CSMD1: variants seen among roughly 807,000 people sequenced by gnomAD.
The protein encoded by CSMD1 is CUB and sushi domain-containing protein 1.
Under a neutral mutation model 417.5 loss-of-function variants are expected in CSMD1, and 213 were observed. The observed-to-expected ratio is 0.51, with a 90% CI of 0.46 to 0.57. The LOEUF (loss-of-function observed/expected upper bound fraction) is 0.57. CSMD1 is among the 20% of genes least tolerant of loss of function. The pLI is 0.00. For synonymous variants in CSMD1, 2,862 were observed against 1,736.8 expected, an observed-to-expected ratio of 1.65 and a Z score of -16.11; for missense variants, 6,923 against 4,529.7, an observed-to-expected ratio of 1.53 and a Z score of -15.17.
intron 25 of CSMD1, among the ~76,000 whole-genome samples, chr8:3,301,569 G>T (rs891742628): frequency 3.9e-5 from 6 of 152,146 alleles, no homozygotes; most frequent in Admixed American, 2.6e-4. Context: ...CTGGAGGTGA[G>T]TCAATGAGGA....
chr8:4,795,252 CTTTTTTTTTTTTTTTTTTTT>C lies in CSMD1; in HGVS notation c.86-157714_86-157695del, dbSNP rs571984359. 2.7e-3 allele frequency among the ~76,000 whole-genome samples: 127 copies of C among 46,250 alleles called. 3 individuals carry two copies. In the East Asian group the frequency reaches 0.075, roughly 27 times the overall value. 30.3% of individuals were successfully genotyped at this position (46,250 alleles called of 152,430 possible). ...ATTTCTAGGTCTGCTGGTGTCATAGCTTTTTTTTTTTTTTTTTTTTTTTTTTTTTTTTTTTTTGAGATGGA... is the reference window on the plus strand; with the variant it reads ...ATTTCTAGGTCTGCTGGTGTCATAGCTTTTTTTTTTTTTTTTTGAGATGGA... On this transcript the variant is annotated intron_variant, in intron 1 of 69. Transcript: ENST00000635120.
Position 4,078,188 on chromosome 8 carries a change from C to A in CSMD1, c.416-46089G>T, listed in dbSNP as rs145575076. Among the ~76,000 whole-genome samples the A allele has an allele frequency of 1.2e-4, 19 of 152,226 alleles. No individual in the cohort carries two copies. In the East Asian group the frequency reaches 1.9e-3, roughly 15 times the overall value. The stretch of plus-strand genomic sequence containing the variant: ...GCAATTCAGTTTGCTATTTTCAACT[C>A]TTTGCTGCATTTCTACATCATTTTT... On this transcript the variant is annotated intron_variant, in intron 3 of 69. Transcript: ENST00000635120.
chr8:3,038,954 G>A (rs572892673), intron 50 of CSMD1, among the ~76,000 whole-genome samples: 1 of 152,292 alleles, frequency 6.6e-6, no homozygotes, highest in East Asian at 1.9e-4. Flanking sequence ...TGACTATATA[G>A]ATTAGGTAAA....
Position 4,121,566 on chromosome 8 carries a change from A to G in CSMD1, c.416-89467T>C, listed in dbSNP as rs573689706. Among the ~76,000 whole-genome samples the G allele has an allele frequency of 5.4e-5, 8 of 148,678 alleles. No homozygotes were observed. In the South Asian group the frequency reaches 1.8e-3, roughly 34 times the overall value. The stretch of plus-strand genomic sequence containing the variant: ...GAAGCAATTGTCTAAAATGTAATCA[A>G]TCTTTTATTTTTTTTTCAAAAGAGA... On this transcript the variant is annotated intron_variant, in intron 3 of 69. Transcript: ENST00000635120.
At position 4,251,705 on chromosome 8, in the gene CSMD1, G is replaced by A. The variant is rs1462500478; in HGVS notation, c.415+168248C>T. 3.9e-5 allele frequency among the ~76,000 whole-genome samples: 6 copies of A among 152,080 alleles called. No homozygotes were observed. In the East Asian group the frequency reaches 7.7e-4, roughly 20 times the overall value. ...GAGCAAAGACCTTGGACAGTTAAAT[G>A]TATGTGTACCTAGTCCTGATGAGAC... is the stretch of plus-strand genomic sequence containing the variant. On this transcript the variant is annotated intron_variant, in intron 3 of 69. Coordinates refer to ENST00000635120, the MANE Select transcript of CSMD1 (RefSeq NM_033225.6).
chr8:3,926,260 C>G (rs970522848), intron 5 of CSMD1, among the ~76,000 whole-genome samples: 14 of 152,174 alleles, frequency 9.2e-5, no homozygotes, highest in African/African-American at 2.2e-4. Flanking sequence ...AAATCACAAT[C>G]CATGTCCTCT....
At chr8:3,188,063 T>C (rs1796168288) in intron 35 of CSMD1, 98 bp from the exon 36 acceptor site, 4 of 533,562 alleles carry the variant, frequency 7.5e-6, no homozygotes, top group Non-Finnish European at 1.3e-5. Context: ...AAGGTGTATA[T>C]GTATATATAT....
At chr8:3,964,644 C>T (rs114248486) in intron 5 of CSMD1, among the ~76,000 whole-genome samples, 2,559 of 152,266 alleles carry the variant, frequency 0.017, 62 homozygotes, top group African/African-American at 0.057. Flanking sequence ...TTTAAATTTG[C>T]TATTCAAGTT....
At chr8:3,440,295 C>T (rs1403930636) in intron 12 of CSMD1, among the ~76,000 whole-genome samples, 1 of 152,168 alleles carries the variant, frequency 6.6e-6, no homozygotes, top group Non-Finnish European at 1.5e-5. Flanking sequence ...CTATATCTCT[C>T]TACTTATTTT....
intron 30 of CSMD1, among the ~76,000 whole-genome samples, chr8:3,207,151 CTT>C (rs35120987): frequency 4.8e-4 from 46 of 95,294 alleles, no homozygotes; most frequent in South Asian, 2.8e-3. Flanking sequence ...TTTTCATTTT[CTT>C]TTTTTTTTTT....
intron 3 of CSMD1, among the ~76,000 whole-genome samples, chr8:4,099,357 AT>A (rs1801186245): frequency 6.6e-6 from 1 of 152,088 alleles, no homozygotes; most frequent in African/African-American, 2.4e-5. Flanking sequence ...CTGTTCAGTC[AT>A]AAAATCTGGT....
chr8:4,861,756 G>C (rs1802144689), intron 1 of CSMD1, among the ~76,000 whole-genome samples: 1 of 151,950 alleles, frequency 6.6e-6, no homozygotes, highest in Admixed American at 6.6e-5. Flanking sequence ...TGTACATTTT[G>C]AACAAAATGT....
At chr8:4,061,339 A>T (rs965763725) in intron 3 of CSMD1, among the ~76,000 whole-genome samples, 1 of 152,236 alleles carries the variant, frequency 6.6e-6, no homozygotes, top group Non-Finnish European at 1.5e-5. Context: ...AAAAATTCAG[A>T]GACAAAGAAA....
intron 3 of CSMD1, among the ~76,000 whole-genome samples, chr8:4,032,519 C>A (rs372279110): frequency 1.3e-5 from 2 of 152,202 alleles, no homozygotes; most frequent in African/African-American, 4.8e-5. Context: ...AATACTCATA[C>A]CCTATTTATT....
intron 17 of CSMD1, among the ~76,000 whole-genome samples, chr8:3,387,916 A>C (rs1413543880): frequency 6.6e-6 from 1 of 152,208 alleles, no homozygotes; most frequent in Admixed American, 6.5e-5. Flanking sequence ...ATCTACATAC[A>C]ACAACCTTGA....
intron 13 of CSMD1, among the ~76,000 whole-genome samples, chr8:3,408,541 T>C (rs1812486464): frequency 6.6e-6 from 1 of 151,240 alleles, no homozygotes; most frequent in African/African-American, 2.5e-5. Context: ...TTTTCTGCCT[T>C]CAGAAGAGCA....
intron 4 of CSMD1, among the ~76,000 whole-genome samples, chr8:4,003,947 A>C (rs74474942): frequency 1.7e-5 from 1 of 60,022 alleles, no homozygotes; most frequent in Admixed American, 1.6e-4. Context: ...AAACAGAACA[A>C]AACAAAAAAA....
chr8:3,487,988 G>C (rs1818154181), intron 11 of CSMD1, among the ~76,000 whole-genome samples: 1 of 148,972 alleles, frequency 6.7e-6, no homozygotes, highest in African/African-American at 2.5e-5. Flanking sequence ...AGACACAGAA[G>C]ACTAAAAAAA....
intron 26 of CSMD1, among the ~76,000 whole-genome samples, chr8:3,274,379 T>G (rs1585885971): frequency 6.6e-6 from 1 of 152,282 alleles, no homozygotes; most frequent in Non-Finnish European, 1.5e-5. Flanking sequence ...AGGTGTGGTG[T>G]GGTGCTGAAA....
Sources: allele counts gnomAD v4.1 joint callset (sites outside exome capture counted in the v4.1 genomes callset), GRCh38; gene constraint gnomAD v4.1.1; transcripts MANE v1.5; gene names NCBI Gene and HGNC (gene_info 2026-07-23, HGNC 2026-07-21).